The following RGS22 variants were observed in gnomAD, a reference collection of about 807,000 sequenced individuals.
The protein encoded by RGS22 is regulator of G protein signaling 22, also known as regulator of G-protein signaling 22.
A neutral mutation model predicts 172.9 loss-of-function variants in RGS22; 148 were observed. The observed-to-expected ratio is 0.86, with a 90% confidence interval of 0.75 to 0.98. The LOEUF is 0.98. Among genes scored for constraint, RGS22 ranks in the 50% least tolerant of loss-of-function variants. The probability of loss-of-function intolerance (pLI) is 0.00; values close to 1 mark genes in which losing one functional copy is unlikely to be tolerated. For synonymous variants in RGS22, 458 were observed against 480.2 expected, an observed-to-expected ratio of 0.95 and a Z score of 0.60; for missense variants, 1,347 against 1,440.8, an observed-to-expected ratio of 0.93 and a Z score of 1.05.
At chr8:99,996,672 A>T in intron 19 of RGS22, 142 bp from the exon 20 acceptor site, 1 of 718,420 alleles carries the variant, frequency 1.4e-6, no homozygotes, top group South Asian at 1.9e-5. Flanking sequence ...GATCAAACTT[A>T]AAAATGGAAG....
chr8:100,102,898 T>G (rs1397908210), intron 2 of RGS22, among the ~76,000 whole-genome samples: 1 of 152,270 alleles, frequency 6.6e-6, no homozygotes, highest in Admixed American at 6.5e-5. Flanking sequence ...ATTTGACATT[T>G]TGGCTTTACC....
chr8:100,032,728 C>T (rs1818969464), intron 14 of RGS22, among the ~76,000 whole-genome samples: 1 of 152,142 alleles, frequency 6.6e-6, no homozygotes, highest in South Asian at 2.1e-4. Flanking sequence ...TTCTCAGCAC[C>T]ACATAGCACT....
intron 24 of RGS22, among the ~76,000 whole-genome samples, chr8:99,963,594 T>C (rs750528518): frequency 1.3e-5 from 2 of 152,126 alleles, no homozygotes; most frequent in South Asian, 2.1e-4. Context: ...TTCAACCCAA[T>C]TGCAGATCAA....
intron 14 of RGS22, among the ~76,000 whole-genome samples, chr8:100,031,441 G>A (rs1176971403): frequency 6.6e-6 from 1 of 151,970 alleles, no homozygotes; most frequent in African/African-American, 2.4e-5. Context: ...ATTTACCTAG[G>A]AATTCTCTTA....
intron 14 of RGS22, among the ~76,000 whole-genome samples, chr8:100,028,415 C>G (rs1818406499): frequency 7.2e-6 from 1 of 138,376 alleles, no homozygotes; most frequent in Non-Finnish European, 1.5e-5. Context: ...TAGTAAGCAC[C>G]AGAAAAGCAA....
intron 14 of RGS22, among the ~76,000 whole-genome samples, chr8:100,035,874 T>C (rs1192100018): frequency 6.6e-6 from 1 of 152,006 alleles, no homozygotes; most frequent in East Asian, 1.9e-4. Context: ...AACCAAACAC[T>C]GCATGTTCTC....
At chr8:100,052,107 ATGTT>A (rs1821653677) in intron 10 of RGS22, among the ~76,000 whole-genome samples, 1 of 57,274 alleles carries the variant, frequency 1.7e-5, no homozygotes, top group Non-Finnish European at 3.2e-5. Context: ...TTATATATAA[ATGTT>A]TATATATATT....
intron 21 of RGS22, among the ~76,000 whole-genome samples, chr8:99,984,788 G>GACACACACACAC (rs111285438): frequency 3.0e-4 from 42 of 139,632 alleles, no homozygotes; most frequent in African/African-American, 9.1e-4. Flanking sequence ...AGTCTTTACG[G>GACACACACACAC]ACACACACAC....
Position 100,038,972 on chromosome 8 carries a change from G to C in RGS22, c.2125C>G (p.Gln709Glu). 6.2e-7 allele frequency: 1 copy of C among 1,611,648 alleles called. No individual in the cohort carries two copies. Among genetic ancestry groups the C allele is most frequent in the Non-Finnish European group, 8.5e-7 (1 of 1,178,654 alleles). Reference sequence around the variant, plus strand: ...ACTTTAAAAGGCTGAAGTGTTTCTTGGTAGAAAAGCTGATGATAAGCCTGC... The same window carrying C: ...ACTTTAAAAGGCTGAAGTGTTTCTTCGTAGAAAAGCTGATGATAAGCCTGC... ...DLQAYHQLFY[Q>E]ETLQPFKVCK... The change falls in exon 14 of 28, where the codon CAA becomes GAA. Residue 709 changes from glutamine (Q) to glutamate (E), a missense_variant. Coordinates refer to ENST00000360863, the MANE Select transcript of RGS22 (RefSeq NM_015668.5).
chr8:100,047,698 T>A (rs1047500825), intron 10 of RGS22, 102 bp from the exon 11 acceptor site: 1 of 1,028,310 alleles, frequency 9.7e-7, no homozygotes, highest in Admixed American at 3.2e-5. Flanking sequence ...ACTTTTTCTT[T>A]CCCTTTGCCT....
intron 11 of RGS22, 69 bp from the exon 12 acceptor site, chr8:100,041,985 C>A: frequency 1.1e-6 from 1 of 952,288 alleles, no homozygotes; most frequent in South Asian, 1.4e-5. Context: ...AAATTTTGAG[C>A]ACTTTTGGTA....
chr8:99,991,964 A>G (rs1408937213), intron 20 of RGS22, among the ~76,000 whole-genome samples: 1 of 152,228 alleles, frequency 6.6e-6, no homozygotes. Context: ...CCAATATTCA[A>G]CATCCTCAGA....
intron 18 of RGS22, among the ~76,000 whole-genome samples, chr8:99,999,639 G>C (rs1250339972): frequency 6.6e-6 from 1 of 152,118 alleles, no homozygotes; most frequent in African/African-American, 2.4e-5. Flanking sequence ...TGTATGATTT[G>C]TGCTTACTTA....
intron 2 of RGS22, among the ~76,000 whole-genome samples, chr8:100,094,186 C>A (rs1812793720): frequency 1.3e-5 from 2 of 152,200 alleles, no homozygotes; most frequent in Admixed American, 1.3e-4. Context: ...AACAAAATTT[C>A]TCTTCCAAAT....
intron 14 of RGS22, among the ~76,000 whole-genome samples, chr8:100,036,340 A>G (rs1466347127): frequency 6.6e-6 from 1 of 152,100 alleles, no homozygotes; most frequent in Admixed American, 6.6e-5. Context: ...TTCTATCTTG[A>G]AGCCATGTGG....
At chr8:99,993,240 A>G (rs1813960698) in intron 20 of RGS22, among the ~76,000 whole-genome samples, 1 of 152,232 alleles carries the variant, frequency 6.6e-6, no homozygotes, top group South Asian at 2.1e-4. Context: ...TTCAAAAGCT[A>G]GCAGAAGGCA....
intron 9 of RGS22, among the ~76,000 whole-genome samples, chr8:100,054,998 C>G (rs769432449): frequency 6.6e-6 from 1 of 152,138 alleles, no homozygotes; most frequent in Non-Finnish European, 1.5e-5. Context: ...CAATAGAACA[C>G]CAGGTAGACT....
intron 21 of RGS22, 107 bp downstream of exon 21, chr8:99,987,351 T>C (rs1813205154): frequency 1.3e-6 from 1 of 758,528 alleles, no homozygotes; most frequent in South Asian, 2.1e-5. Flanking sequence ...GATAGCAAAA[T>C]TGGGATATCT....
At chr8:100,090,903 G>A (rs3133410) in intron 3 of RGS22, among the ~76,000 whole-genome samples, 24,502 of 152,018 alleles carry the variant, frequency 0.16, 2,618 homozygotes, top group African/African-American at 0.3. Context: ...GAAGTCCCTA[G>A]ACAGGGTTTT....
Sources: gnomAD v4.1 joint callset for allele counts (sites outside exome capture counted in the v4.1 genomes callset) on GRCh38, gnomAD v4.1.1 for gene constraint, MANE v1.5 for transcripts, NCBI Gene and HGNC (gene_info 2026-07-23, HGNC 2026-07-21) for gene names.